The following DDX25 variants were observed in gnomAD, a reference collection of about 807,000 sequenced individuals.
DDX25 encodes ATP-dependent RNA helicase DDX25.
In DDX25, 70 loss-of-function variants were observed where a neutral mutation model predicts 64.6. The ratio of observed to expected loss-of-function variants is 1.08; its 90% CI spans 0.89 to 1.32. DDX25 has a LOEUF of 1.32. Among genes scored for constraint, DDX25 ranks in the 40% most tolerant of loss-of-function variants. DDX25 has a pLI of 0.00. For synonymous variants in DDX25, 211 were observed against 213.3 expected (o/e 0.99, Z 0.09); for missense variants, 587 against 604.4 (o/e 0.97, Z 0.30).
chr11:125,904,347 C>G (rs1001008009), upstream of DDX25: 1 of 514,492 alleles, frequency 1.9e-6, no homozygotes, highest in Non-Finnish European at 3.1e-6. Context: ...CCCTCCGCCC[C>G]TTCCGCGCGC....
chr11:125,917,298 G>T (rs1248086671), intron 9 of DDX25, 47 bp downstream of exon 9: 1 of 1,531,508 alleles, frequency 6.5e-7, no homozygotes, highest in South Asian at 1.2e-5. Flanking sequence ...ATGCCTACAG[G>T]CCGAGGTGGG....
At chr11:125,916,624 G>A (rs1256422340) in intron 8 of DDX25, among the ~76,000 whole-genome samples, 2 of 152,118 alleles carry the variant, frequency 1.3e-5, no homozygotes, top group Non-Finnish European at 2.9e-5. Flanking sequence ...GATATATAAT[G>A]CCTGCTGTCA....
At chr11:125,909,575 TC>T (rs1389340196) in intron 6 of DDX25, among the ~76,000 whole-genome samples, 1 of 151,890 alleles carries the variant, frequency 6.6e-6, no homozygotes, top group Non-Finnish European at 1.5e-5. Flanking sequence ...GTTATATATA[TC>T]ATATTATGTA....
intron 10 of DDX25, among the ~76,000 whole-genome samples, chr11:125,919,849 A>G (rs1048122285): frequency 2.0e-5 from 3 of 152,216 alleles, no homozygotes; most frequent in Non-Finnish European, 4.4e-5. Context: ...TGTGCTCTTC[A>G]GTGGGTAGCC....
rs1945156573 is a variant in DDX25 at position 125,925,186 on chromosome 11, T to C, written c.*2305T>C. 3.0e-6 allele frequency: 1 copy of C among 329,602 alleles called. No individual in the cohort carries two copies. The highest frequency in any genetic ancestry group is 6.1e-6 in the Non-Finnish European group (1 of 164,638). The allele number at this position is 329,602 out of a possible 1,614,324, so 20.4% of individuals were successfully genotyped here. ...TGCTCAGCTCCGCCTTGGGGTGTCC[T>C]AAATAAAACTTTACCACTTTCCTTT... is the stretch of plus-strand genomic sequence containing the variant. On this transcript the variant is annotated 3_prime_UTR_variant, in exon 12 of 12. Coordinates refer to ENST00000263576, the MANE Select transcript of DDX25 (RefSeq NM_013264.5).
At chr11:125,909,589 G>A (rs978378111) in intron 6 of DDX25, among the ~76,000 whole-genome samples, 1 of 151,056 alleles carries the variant, frequency 6.6e-6, no homozygotes, top group Non-Finnish European at 1.5e-5. Flanking sequence ...ATTATGTATT[G>A]TAAAGATATA....
At chr11:125,910,584 TA>T in intron 7 of DDX25, 106 bp downstream of exon 7, 1 of 918,398 alleles carries the variant, frequency 1.1e-6, no homozygotes. Context: ...ATGGGGGAAA[TA>T]ATACCACTCA....
chr11:125,907,408 A>T lies in DDX25; in HGVS notation c.312-788A>T, dbSNP rs540103808. On this transcript the variant is annotated intron_variant, in intron 4 of 11. Coordinates refer to ENST00000263576, the MANE Select transcript of DDX25 (RefSeq NM_013264.5). ...CGGATCACGAGGTCAGGAGATCGAG[A>T]CCATCCTGGCTAACACAGTGAAACC... Among the ~76,000 whole-genome samples, 16 of 152,254 alleles carry T rather than the reference A, an allele frequency of 1.1e-4. No homozygotes were observed. The South Asian group carries it at 3.3e-3, about 32-fold the overall frequency.
At chr11:125,912,840 A>G (rs1284522519) in intron 8 of DDX25, among the ~76,000 whole-genome samples, 3 of 152,040 alleles carry the variant, frequency 2.0e-5, no homozygotes, top group African/African-American at 7.2e-5. Flanking sequence ...ATATCTCCAA[A>G]TAGTAAAATA....
rs1356467417 is a variant in DDX25, at chr11:125,928,289, C to T, written c.*5408C>T. ...ATTCAAGTTTTTTTTCATGTTACCA[C>T]ACAGTGTTTGGGATTATATTTTCAA... On this transcript the variant is annotated 3_prime_UTR_variant, in exon 12 of 12. Transcript: ENST00000263576. The T allele has an allele frequency of 6.6e-6, 1 of 151,928 alleles. No individual in the cohort carries two copies. The allele number at this position is 151,928 out of a possible 1,614,324, so 9.4% of individuals were successfully genotyped here. A position where few individuals can be genotyped will look rare whatever the true frequency, so the allele number is the denominator to read the frequency against.
intron 7 of DDX25, 133 bp from the exon 8 acceptor site, chr11:125,911,178 C>A: frequency 1.2e-6 from 1 of 831,086 alleles, no homozygotes; most frequent in East Asian, 3.3e-5. Context: ...CCACAATGAC[C>A]CTCGGGGTTT....
At chr11:125,908,162 T>C (rs1047139730) in intron 4 of DDX25, 34 bp from the exon 5 acceptor site, 3 of 1,520,550 alleles carry the variant, frequency 2.0e-6, no homozygotes, top group Non-Finnish European at 2.7e-6. Context: ...TGACCAACTA[T>C]AATCTGTAAG....
intron 7 of DDX25, among the ~76,000 whole-genome samples, 161 bp downstream of exon 7, chr11:125,910,639 A>G (rs575001091): frequency 3.9e-5 from 6 of 152,342 alleles, no homozygotes; most frequent in African/African-American, 1.4e-4. Flanking sequence ...TTGGTAAAGC[A>G]TTGTACACAA....
chr11:125,905,076 C>T (rs1944864265), intron 1 of DDX25, 136 bp from the exon 2 acceptor site: 1 of 737,764 alleles, frequency 1.4e-6, no homozygotes. Flanking sequence ...AAGGAATCTG[C>T]TGCTACCTAA....
chr11:125,906,216 A>AT lies in DDX25; in HGVS notation c.311+12dup. 2 of 1,530,722 alleles carry AT rather than the reference A, an allele frequency of 1.3e-6. No homozygotes were observed. The highest frequency in any genetic ancestry group is 1.7e-4 in the Middle Eastern group (1 of 5,886). 94.8% of individuals were successfully genotyped at this position (1,530,722 alleles called of 1,614,324 possible). ...CATTTGAAGAGCTGCGGCTGTGAGTATTTTTACTCTTTTAATATGGGAAAA... is the reference window on the plus strand; with the variant it reads ...CATTTGAAGAGCTGCGGCTGTGAGTATTTTTTACTCTTTTAATATGGGAAAA... On this transcript the variant is annotated splice_region_variant and intron_variant, in intron 4 of 11. Transcript: ENST00000263576.
intron 4 of DDX25, 43 bp downstream of exon 4, chr11:125,906,252 C>G (rs1410609209): frequency 6.6e-7 from 1 of 1,510,288 alleles, no homozygotes; most frequent in South Asian, 1.3e-5. Flanking sequence ...ATGCTGAAAA[C>G]CACAGAACAA....
chr11:125,925,570 C>T lies in DDX25; in HGVS notation c.*2689C>T. The T allele has an allele frequency of 2.4e-6, 1 of 420,072 alleles. No individual in the cohort carries two copies. The highest frequency in any genetic ancestry group is 1.6e-5 in the South Asian group (1 of 60,828). 26.0% of individuals were successfully genotyped at this position (420,072 alleles called of 1,614,324 possible). A position where few individuals can be genotyped will look rare whatever the true frequency, so the allele number is the denominator to read the frequency against. ...GAGTAGATAGAGAGGCAAGGAAACA[C>T]CAGGTGATTTCAGTGCAACTGTGAG... On this transcript the variant is annotated 3_prime_UTR_variant, in exon 12 of 12. Transcript: ENST00000263576.
Position 125,926,108 on chromosome 11 carries a change from T to C in DDX25, c.*3227T>C, listed in dbSNP as rs1945165171. The C allele has an allele frequency of 1.3e-5, 2 of 152,670 alleles. No homozygotes were observed. The highest frequency in any genetic ancestry group is 4.8e-5 in the African/African-American group (2 of 41,548). 9.5% of individuals were successfully genotyped at this position (152,670 alleles called of 1,614,324 possible). ...CTTCCTTTTGATTCAAGGCAGGACC[T>C]AGATTAGAAAGAGAACCCCTGCAGA... is the stretch of plus-strand genomic sequence containing the variant. On this transcript the variant is annotated 3_prime_UTR_variant, in exon 12 of 12. Coordinates refer to ENST00000263576, the MANE Select transcript of DDX25 (RefSeq NM_013264.5).
At chr11:125,904,305 GCCCCGCTCTCTGCCCCCC>G, upstream of DDX25, 1 of 376,610 alleles carries the variant, frequency 2.7e-6, no homozygotes, top group Non-Finnish European at 4.7e-6. Context: ...TCTGCCCTCC[GCCCCGCTCTCTGCCCCCC>G]GCCCCGCTCT....
Sources: gnomAD v4.1 joint callset for allele counts (sites outside exome capture counted in the v4.1 genomes callset) on GRCh38, gnomAD v4.1.1 for gene constraint, MANE v1.5 for transcripts, NCBI Gene and HGNC (gene_info 2026-07-23, HGNC 2026-07-21) for gene names.